Variants in ATP6V0A2 observed in about 807,000 individuals in gnomAD.
ATP6V0A2 encodes the protein ATPase H+ transporting V0 subunit a2, also known as V-type proton ATPase 116 kDa subunit a 2.
ATP6V0A2 carries 58 observed loss-of-function variants against 104.4 expected under a neutral mutation model. That is an observed-to-expected ratio of 0.56 (90% CI 0.45 to 0.69). The LOEUF (loss-of-function observed/expected upper bound fraction) is 0.69, where lower values mean the gene tolerates loss of function less well. Ranked by LOEUF, ATP6V0A2 falls within the 30% of genes least tolerant of loss-of-function variation. The pLI is 0.00. For synonymous variants in ATP6V0A2, 376 were observed against 397.9 expected, an observed-to-expected ratio of 0.95 and a Z score of 0.65; for missense variants, 938 against 1,062.9, an observed-to-expected ratio of 0.88 and a Z score of 1.63.
At chr12:123,734,513 G>A (rs1161904439) in intron 7 of ATP6V0A2, among the ~76,000 whole-genome samples, 1 of 152,158 alleles carries the variant, frequency 6.6e-6, no homozygotes, top group Non-Finnish European at 1.5e-5. Flanking sequence ...TCTGTAAAAG[G>A]GGAGAGTGAT....
intron 6 of ATP6V0A2, among the ~76,000 whole-genome samples, chr12:123,730,439 G>A (rs550248850): frequency 2.0e-5 from 3 of 151,860 alleles, no homozygotes; most frequent in South Asian, 2.1e-4. Context: ...AGGAGCCACC[G>A]CGCCCAGCCT....
intron 9 of ATP6V0A2, among the ~76,000 whole-genome samples, chr12:123,742,871 C>T (rs1264590605): frequency 6.6e-6 from 1 of 151,768 alleles, no homozygotes; most frequent in Non-Finnish European, 1.5e-5. Flanking sequence ...ACCAGAAAAT[C>T]TACTATTCTG....
Position 123,752,351 on chromosome 12 carries a change from A to C in ATP6V0A2, c.2124A>C (p.Glu708Asp). 6.2e-7 allele frequency: 1 copy of C among 1,614,200 alleles called. No individual in the cohort carries two copies. Residue 708 changes from glutamate to aspartate, a missense_variant, in exon 17 of 20, where the codon GAA (glutamate) becomes GAC (aspartate). Physicochemically the swap from Glu to Asp is conservative, Grantham distance 45. Coordinates refer to ENST00000330342, the MANE Select transcript of ATP6V0A2 (RefSeq NM_012463.4). Reference sequence around the variant, plus strand: ...CATTGCTGGGAAGCCAAGATATAGAAGAGGGAAATCACCAGGTGGAAGATG... The same window carrying C: ...CATTGCTGGGAAGCCAAGATATAGACGAGGGAAATCACCAGGTGGAAGATG... ...EVSLLGSQDIEEGNHQVEDGC... is the reference protein window; with the variant it reads ...EVSLLGSQDIDEGNHQVEDGC...
At chr12:123,734,705 C>T (rs1490098061) in intron 7 of ATP6V0A2, among the ~76,000 whole-genome samples, 1 of 152,168 alleles carries the variant, frequency 6.6e-6, no homozygotes, top group Admixed American at 6.5e-5. Context: ...TTTCTTCCCC[C>T]CATGGACAAC....
chr12:123,745,707 C>CAA (rs34566253), intron 13 of ATP6V0A2, among the ~76,000 whole-genome samples: 4 of 131,750 alleles, frequency 3.0e-5, no homozygotes, highest in African/African-American at 8.5e-5. Context: ...GACTCTGTCT[C>CAA]AAAAAAAAAA....
In ATP6V0A2 at chr12:123,748,591, T is replaced by G. The variant is rs1956684946; in HGVS notation, c.1741T>G (p.Phe581Val). ...CTTTCCTAGGCACTTCAGGAAGAAG[T>G]TCAACATTTACCTGGTTTCCATCCC... ...IFNHLHFRKKFNIYLVSIPEL... is the reference protein window; with the variant it reads ...IFNHLHFRKKVNIYLVSIPEL... Residue 581 changes from phenylalanine to valine, a missense_variant, in exon 15 of 20, where the codon TTC (phenylalanine) becomes GTC (valine). By Grantham distance (50) the Phe-to-Val change is conservative. Transcript: ENST00000330342. 1.3e-5 allele frequency: 21 copies of G among 1,613,764 alleles called. No homozygotes were observed. The East Asian group carries it at 4.7e-4, about 36-fold the overall frequency.
At chr12:123,746,712 C>T (rs929775203) in intron 13 of ATP6V0A2, among the ~76,000 whole-genome samples, 10 of 150,938 alleles carry the variant, frequency 6.6e-5, no homozygotes, top group Middle Eastern at 3.5e-3. Context: ...TTTGGGAGGC[C>T]GAGGCAGGCG....
At chr12:123,747,901 A>G (rs1159096020) in intron 14 of ATP6V0A2, among the ~76,000 whole-genome samples, 176 bp downstream of exon 14, 3 of 152,110 alleles carry the variant, frequency 2.0e-5, no homozygotes, top group African/African-American at 7.2e-5. Flanking sequence ...TCATTCAGCA[A>G]ATATGTATTT....
At chr12:123,730,477 A>T (rs1956492085) in intron 6 of ATP6V0A2, among the ~76,000 whole-genome samples, 1 of 152,158 alleles carries the variant, frequency 6.6e-6, no homozygotes, top group Non-Finnish European at 1.5e-5. Context: ...TTCTGAAATA[A>T]AAATCTAATC....
chr12:123,732,317 G>A, intron 6 of ATP6V0A2: 1 of 154,268 alleles, frequency 6.5e-6, no homozygotes, highest in Non-Finnish European at 1.4e-5. Flanking sequence ...GCCTCGCCTG[G>A]CTGGGCCCCT....
Position 123,727,923 on chromosome 12 carries a change from A to ACC in ATP6V0A2, c.648+15_648+16dup, listed in dbSNP as rs1289280320. The ACC allele has an allele frequency of 6.2e-7, 1 of 1,614,102 alleles. No homozygotes were observed. Among genetic ancestry groups the ACC allele is most frequent in the Non-Finnish European group, 8.5e-7 (1 of 1,180,038 alleles). ...GACCCTGAAACAGTGAGTAAATGTC[A>ACC]CCATCACCTTTTAGCAATGACGGAC... On this transcript the variant is annotated intron_variant, in intron 6 of 19. Coordinates refer to ENST00000330342, the MANE Select transcript of ATP6V0A2 (RefSeq NM_012463.4).
intron 4 of ATP6V0A2, 79 bp downstream of exon 4, chr12:123,724,870 A>T (rs1956434251): frequency 1.6e-6 from 2 of 1,224,026 alleles, no homozygotes; most frequent in African/African-American, 1.5e-5. Flanking sequence ...TAGGCTGTGT[A>T]TTTTGCTATT....
intron 15 of ATP6V0A2, among the ~76,000 whole-genome samples, 186 bp downstream of exon 15, chr12:123,748,971 C>G (rs1301957641): frequency 1.3e-5 from 2 of 152,134 alleles, no homozygotes; most frequent in Non-Finnish European, 2.9e-5. Context: ...TGACCAAACT[C>G]GCTGCCACTC....
rs761913726 is a variant in ATP6V0A2 at position 123,751,207 on chromosome 12, G to A, written c.2033G>A (p.Arg678His). The A allele has an allele frequency of 2.0e-5, 33 of 1,614,096 alleles. No individual in the cohort carries two copies. Among genetic ancestry groups the A allele is most frequent in the Admixed American group, 1.2e-4 (7 of 60,006 alleles). The stretch of plus-strand genomic sequence containing the variant: ...TTTTTGTTGTGGCTTCACAATGGGC[G>A]TAGTTGCTTCGGGGTGAACCGGGTA... ...PLFLLWLHNGRSCFGVNRSGY... is the reference protein window; with the variant it reads ...PLFLLWLHNGHSCFGVNRSGY... The change falls in exon 16 of 20, where the codon CGT becomes CAT. Residue 678 changes from arginine (R) to histidine (H), a missense_variant. Physicochemically the swap from Arg to His is conservative, Grantham distance 29 (BLOSUM62 0). Coordinates refer to ENST00000330342, the MANE Select transcript of ATP6V0A2 (RefSeq NM_012463.4).
Position 123,748,661 on chromosome 12 carries a change from T to C in ATP6V0A2, c.1811T>C (p.Met604Thr). The C allele has an allele frequency of 6.2e-7, 1 of 1,614,152 alleles. No individual in the cohort carries two copies. Among genetic ancestry groups the C allele is most frequent in the Non-Finnish European group, 8.5e-7 (1 of 1,179,984 alleles). ...MLCIFGYLIF[M>T]IFYKWLVFSA... is the part of the protein sequence containing the mutation. The stretch of plus-strand genomic sequence containing the variant: ...TGTATCTTTGGATACCTTATATTTA[T>C]GATTTTCTACAAGTGGCTGGTTTTT... The change falls in exon 15 of 20, where the codon ATG becomes ACG. Residue 604 changes from methionine to threonine, a missense_variant. By Grantham distance (81) the Met-to-Thr change is moderately conservative. Transcript: ENST00000330342.
Position 123,759,078 on chromosome 12 carries a change from G to A in ATP6V0A2, c.*1046G>A, listed in dbSNP as rs1017474681. 2 of 152,534 alleles carry A rather than the reference G, an allele frequency of 1.3e-5. No homozygotes were observed. The highest frequency in any genetic ancestry group is 6.6e-5 in the Admixed American group (1 of 15,266). 9.4% of individuals were successfully genotyped at this position (152,534 alleles called of 1,614,324 possible). On this transcript the variant is annotated 3_prime_UTR_variant, in exon 20 of 20. Coordinates refer to ENST00000330342, the MANE Select transcript of ATP6V0A2 (RefSeq NM_012463.4). ...AGTGTGACTGTAGAAGATATAATGCGGACATGATTTGAATTTAGTGACAGC... is the reference window on the plus strand; with the variant it reads ...AGTGTGACTGTAGAAGATATAATGCAGACATGATTTGAATTTAGTGACAGC...
At chr12:123,740,792 C>T (rs138117844) in intron 9 of ATP6V0A2, among the ~76,000 whole-genome samples, 3 of 152,234 alleles carry the variant, frequency 2.0e-5, no homozygotes, top group Non-Finnish European at 4.4e-5. Flanking sequence ...GTTTCTCTTA[C>T]GGCAGTATGA....
At chr12:123,714,814 G>T (rs1192959644) in intron 1 of ATP6V0A2, among the ~76,000 whole-genome samples, 4 of 152,182 alleles carry the variant, frequency 2.6e-5, no homozygotes, top group Non-Finnish European at 5.9e-5. Context: ...GGGCACGGTG[G>T]TTCACGTCTG....
At chr12:123,747,193 C>T (rs1956670956) in intron 13 of ATP6V0A2, among the ~76,000 whole-genome samples, 1 of 152,146 alleles carries the variant, frequency 6.6e-6, no homozygotes, top group South Asian at 2.1e-4. Flanking sequence ...CATACAGGAG[C>T]ATGTATGGCA....
Sources: gnomAD v4.1 joint callset for allele counts (sites outside exome capture counted in the v4.1 genomes callset) on GRCh38, gnomAD v4.1.1 for gene constraint, MANE v1.5 for transcripts, NCBI Gene and HGNC (gene_info 2026-07-23, HGNC 2026-07-21) for gene names.